The following TRIM37 variants were observed in gnomAD, a reference collection of about 807,000 sequenced individuals.
TRIM37 encodes the protein tripartite motif containing 37, also known as E3 ubiquitin-protein ligase TRIM37.
A neutral mutation model predicts 129.8 loss-of-function variants in TRIM37; 80 were observed. The ratio of observed to expected loss-of-function variants is 0.62; its 90% CI spans 0.51 to 0.74. The LOEUF (loss-of-function observed/expected upper bound fraction) is 0.74. Among genes scored for constraint, TRIM37 ranks in the 30% least tolerant of loss-of-function variants. TRIM37 has a pLI of 0.00. For synonymous variants in TRIM37, 389 were observed against 387.1 expected (o/e 1.00, Z -0.06); for missense variants, 1,054 against 1,176.5 (o/e 0.90, Z 1.52).
At chr17:58,974,383 A>G in the TRIM37 span, among the ~76,000 whole-genome samples, 1 of 152,212 alleles carries the variant, frequency 6.6e-6, no homozygotes, top group Admixed American at 6.5e-5. Flanking sequence ...GGAGTTTCAA[A>G]GAACCCTATA....
At chr17:58,981,125 C>T, downstream of TRIM37, 1 of 842,502 alleles carries the variant, frequency 1.2e-6, no homozygotes, top group Non-Finnish European at 1.8e-6. Flanking sequence ...ATATGTGCTT[C>T]ATTATGAATC....
chr17:59,015,731 C>A lies in TRIM37; in HGVS notation c.2455G>T (p.Gly819Cys). The change falls in exon 21 of 24, where the codon GGT becomes TGT. Residue 819 changes from glycine to cysteine, a missense_variant. Gly to Cys is a radical substitution (Grantham distance 159). Transcript: ENST00000262294. ...TCTTCAGTTTTTGGCAGAATATCAC[C>A]GATACTGCCATGTATCAAGGCTCGG... ...SPRALIHGSI[G>C]DILPKTEDRQ... 6.2e-7 allele frequency: 1 copy of A among 1,614,060 alleles called. No individual in the cohort carries two copies. Among genetic ancestry groups the A allele is most frequent in the Non-Finnish European group, 8.5e-7 (1 of 1,179,994 alleles).
intron 11 of TRIM37, 106 bp downstream of exon 11, chr17:59,062,461 C>CA (rs966962258): frequency 1.8e-4 from 168 of 914,640 alleles, no homozygotes; most frequent in Non-Finnish European, 2.6e-4. Flanking sequence ...GCATATGTAA[C>CA]AAAAAAAAGA....
intron 22 of TRIM37, among the ~76,000 whole-genome samples, chr17:59,011,937 T>C (rs2035304254): frequency 1.3e-5 from 2 of 152,222 alleles, no homozygotes; most frequent in South Asian, 4.1e-4. Flanking sequence ...TATTAATAAA[T>C]CTAGCAAAAA....
At chr17:58,996,952 A>C (rs1181814009), downstream of TRIM37, among the ~76,000 whole-genome samples, 1 of 152,108 alleles carries the variant, frequency 6.6e-6, no homozygotes, top group Admixed American at 6.6e-5. Flanking sequence ...AAATAAGAAG[A>C]ACATTTAATA....
intron 4 of TRIM37, among the ~76,000 whole-genome samples, chr17:59,086,118 T>C (rs1422804751): frequency 2.0e-5 from 3 of 152,182 alleles, no homozygotes; most frequent in African/African-American, 7.2e-5. Context: ...CATGTGAACA[T>C]GCTTAACATA....
At chr17:59,070,633 T>G (rs1294512866) in intron 9 of TRIM37, among the ~76,000 whole-genome samples, 190 bp downstream of exon 9, 1 of 151,820 alleles carries the variant, frequency 6.6e-6, no homozygotes, top group African/African-American at 2.4e-5. Flanking sequence ...CCCTAGTAAT[T>G]TGGGGGGTCA....
chr17:59,073,487 T>C (rs1460298387), intron 8 of TRIM37, among the ~76,000 whole-genome samples: 1 of 151,866 alleles, frequency 6.6e-6, no homozygotes, highest in Non-Finnish European at 1.5e-5. Flanking sequence ...AGAGACGGGG[T>C]TTCACCATGT....
chr17:59,074,123 CAT>C (rs1478826465), intron 8 of TRIM37, among the ~76,000 whole-genome samples: 2 of 152,194 alleles, frequency 1.3e-5, no homozygotes, highest in Non-Finnish European at 2.9e-5. Context: ...ACAATAAACA[CAT>C]GATTAATGCT....
intron 24 of TRIM37, among the ~76,000 whole-genome samples, chr17:58,991,922 AG>A: frequency 6.6e-6 from 1 of 152,238 alleles, no homozygotes; most frequent in East Asian, 1.9e-4. Flanking sequence ...ACCCGGAGTT[AG>A]GTCAAACTGT....
intron 18 of TRIM37, among the ~76,000 whole-genome samples, chr17:59,031,410 A>G (rs1332214422): frequency 6.6e-6 from 1 of 152,232 alleles, no homozygotes; most frequent in Non-Finnish European, 1.5e-5. Context: ...ACAAATCTCC[A>G]TTTTATTATA....
chr17:59,080,015 TA>T, intron 6 of TRIM37, 138 bp from the exon 7 acceptor site: 1 of 951,152 alleles, frequency 1.1e-6, no homozygotes, highest in South Asian at 1.6e-5. Flanking sequence ...CCAACTTGCT[TA>T]TATTTCAAAA....
At chr17:58,995,739 AAG>A (rs1425632417), downstream of TRIM37, among the ~76,000 whole-genome samples, 1 of 152,208 alleles carries the variant, frequency 6.6e-6, no homozygotes, top group Non-Finnish European at 1.5e-5. Flanking sequence ...ATTCGTAAGC[AAG>A]AGTTTTGGCT....
Position 59,041,827 on chromosome 17 carries a change from G to A in TRIM37, c.1739C>T (p.Ala580Val), listed in dbSNP as rs200411817. 114 of 1,613,810 alleles carry A rather than the reference G, an allele frequency of 7.1e-5. No individual in the cohort carries two copies. The East Asian group carries it at 2.4e-3, about 34-fold the overall frequency. Reference protein sequence around the residue: ...EEGELMEDAAAAGPAGSSHGY... With the variant: ...EEGELMEDAAVAGPAGSSHGY... ...GACCTCATTACCTGCGGGTCCTGCA[G>A]CAGCTGCATCTTCCATGAGTTCTCC... is the stretch of plus-strand genomic sequence containing the variant. The change falls in exon 17 of 24, where the codon GCT (alanine) becomes GTT (valine). Residue 580 changes from alanine (A) to valine (V), a missense_variant. Transcript: ENST00000262294.
At chr17:59,095,736 T>C (rs1013453970) in intron 2 of TRIM37, among the ~76,000 whole-genome samples, 1 of 152,178 alleles carries the variant, frequency 6.6e-6, no homozygotes, top group African/African-American at 2.4e-5. Context: ...GTTTTTGTTT[T>C]TGAGACAAGT....
intron 4 of TRIM37, among the ~76,000 whole-genome samples, chr17:59,084,621 T>G (rs923950579): frequency 6.6e-6 from 1 of 152,264 alleles, no homozygotes; most frequent in Non-Finnish European, 1.5e-5. Context: ...GACTCTGTTA[T>G]GGATTAACTA....
At chr17:59,088,121 CAATAAG>C (rs1268026721) in intron 4 of TRIM37, 164 bp downstream of exon 4, 15 of 625,068 alleles carry the variant, frequency 2.4e-5, no homozygotes, top group Non-Finnish European at 3.7e-5. Flanking sequence ...TAAATAAACA[CAATAAG>C]AATATGTTAC....
chr17:58,987,096 C>T (rs1230874061), intron 24 of TRIM37, among the ~76,000 whole-genome samples: 1 of 152,290 alleles, frequency 6.6e-6, no homozygotes, highest in Non-Finnish European at 1.5e-5. Flanking sequence ...AACAAGGGCC[C>T]TCACACACAG....
intron 19 of TRIM37, among the ~76,000 whole-genome samples, chr17:59,021,713 C>T (rs1291634979): frequency 1.3e-5 from 2 of 152,072 alleles, no homozygotes; most frequent in East Asian, 1.9e-4. Flanking sequence ...GTTAGTACAA[C>T]AGTGACTACA....
Sources: gnomAD v4.1 joint callset for allele counts (sites outside exome capture counted in the v4.1 genomes callset) on GRCh38, gnomAD v4.1.1 for gene constraint, MANE v1.5 for transcripts, NCBI Gene and HGNC (gene_info 2026-07-23, HGNC 2026-07-21) for gene names.